Variants in HSPBP1 observed in about 807,000 individuals in gnomAD.
The protein encoded by HSPBP1 is HSPA (Hsp70) binding protein 1.
A neutral mutation model predicts 41.7 loss-of-function variants in HSPBP1; 31 were observed. That is an observed-to-expected ratio of 0.74 (90% CI 0.56 to 1.00). The LOEUF is 1.00. Among genes scored for constraint, HSPBP1 ranks in the 50% least tolerant of loss-of-function variants. HSPBP1 has a pLI of 0.00. For missense variants in HSPBP1, 439 were observed against 487.9 expected (o/e 0.90, Z 0.94); for synonymous variants, 199 against 214.4 (o/e 0.93, Z 0.63).
In HSPBP1 at chr19:55,272,049, G is replaced by A. The variant is rs1239399839; in HGVS notation, c.640+2349C>T. On this transcript the variant is annotated intron_variant, in intron 4 of 7. Transcript: ENST00000433386. The surrounding 1 kb of genome is among the most constrained non-coding windows in gnomAD (Gnocchi z 4.2). ...TGCACTCCAGCCTGGGCCACAGAGC[G>A]AGACTCCGTCTCAAGAAACAAAAAA... is the stretch of plus-strand genomic sequence containing the variant. Among the ~76,000 whole-genome samples the A allele has an allele frequency of 6.6e-6, 1 of 151,258 alleles. No homozygotes were observed. Among genetic ancestry groups the A allele is most frequent in the African/African-American group, 2.4e-5 (1 of 41,102 alleles).
chr19:55,278,011 C>A (rs1325029991), intron 2 of HSPBP1, among the ~76,000 whole-genome samples, 165 bp from the exon 3 acceptor site: 2 of 152,154 alleles, frequency 1.3e-5, no homozygotes, highest in African/African-American at 4.8e-5. Context: ...CTTTGGGAGG[C>A]CGAGGTGGGT....
intron 4 of HSPBP1, 51 bp downstream of exon 4, chr19:55,274,347 A>AGCCCCCCCC: frequency 3.1e-6 from 1 of 325,718 alleles, no homozygotes; most frequent in Non-Finnish European, 5.7e-6. Flanking sequence ...CCCACCCGGC[A>AGCCCCCCCC]CCCCCCCCCA....
At chr19:55,277,569 G>A (rs1319710215) in intron 3 of HSPBP1, 73 bp downstream of exon 3, 1 of 1,443,266 alleles carries the variant, frequency 6.9e-7, no homozygotes, top group Non-Finnish European at 9.5e-7. Context: ...AGCCCCAAGA[G>A]TAGGGGCAAG....
In HSPBP1 at chr19:55,272,916, C is replaced by T. The variant is rs985093003; in HGVS notation, c.640+1482G>A. 2.6e-5 allele frequency among the ~76,000 whole-genome samples: 4 copies of T among 152,028 alleles called. No homozygotes were observed. In the East Asian group the frequency reaches 5.8e-4, roughly 22 times the overall value. ...CTGCCGATAGCCATACCACCCCGAA[C>T]GCGTCTGATCACATCTAAAATTAGA... On this transcript the variant is annotated intron_variant, in intron 4 of 7. Coordinates refer to ENST00000433386, the MANE Select transcript of HSPBP1 (RefSeq NM_012267.5). The surrounding 1 kb of genome is among the most constrained non-coding windows in gnomAD (Gnocchi z 4.2).
intron 4 of HSPBP1, among the ~76,000 whole-genome samples, chr19:55,274,037 T>C (rs2087993197): frequency 6.6e-6 from 1 of 152,068 alleles, no homozygotes; most frequent in Non-Finnish European, 1.5e-5. Flanking sequence ...CTCCATGGCC[T>C]GGAGGCCACC....
At position 55,265,423 on chromosome 19, in the gene HSPBP1, C is replaced by A. The variant is rs1321952763; in HGVS notation, c.894-34G>T. On this transcript the variant is annotated intron_variant, in intron 6 of 7. Coordinates refer to ENST00000433386, the MANE Select transcript of HSPBP1 (RefSeq NM_012267.5). ...GACATGACAGCGGCCCTTAGGACCT[C>A]CCTCTAGAGGCCTCACTGACCCAAC... The A allele has an allele frequency of 1.9e-6, 3 of 1,551,508 alleles. No homozygotes were observed. The South Asian group carries it at 3.3e-5, about 17-fold the overall frequency.
At chr19:55,279,284 G>A in intron 2 of HSPBP1, 115 bp downstream of exon 2, 1 of 858,390 alleles carries the variant, frequency 1.2e-6, no homozygotes, top group Non-Finnish European at 1.8e-6. Flanking sequence ...CTGGTTTTCT[G>A]CCTCCCACCC....
intron 2 of HSPBP1, among the ~76,000 whole-genome samples, chr19:55,278,897 T>A (rs1600157437): frequency 7.8e-6 from 1 of 128,458 alleles, no homozygotes; most frequent in Non-Finnish European, 1.6e-5. Context: ...CGAGACTGTG[T>A]CCTCCACCCC....
intron 3 of HSPBP1, 89 bp downstream of exon 3, chr19:55,277,553 G>A (rs1228417623): frequency 1.2e-5 from 16 of 1,305,356 alleles, no homozygotes; most frequent in East Asian, 7.5e-5. Context: ...GGAGGCTGAC[G>A]GTGTGAGCCC....
Position 55,266,397 on chromosome 19 carries a change from C to T in HSPBP1, c.641-111G>A, listed in dbSNP as rs894304465. ...ACCATCACCAACATCATCATCACCA[C>T]CATCACCACTATCTTCACCACCATC... On this transcript the variant is annotated intron_variant, in intron 4 of 7. Transcript: ENST00000433386. 1,659 of 1,147,352 alleles carry T rather than the reference C, an allele frequency of 1.4e-3. 20 individuals are homozygous for T. Among genetic ancestry groups the T allele is most frequent in the Non-Finnish European group, 7.0e-4 (569 of 815,282 alleles). 71.1% of individuals were successfully genotyped at this position (1,147,352 alleles called of 1,614,324 possible).
At chr19:55,275,845 G>A (rs984227340) in intron 3 of HSPBP1, among the ~76,000 whole-genome samples, 19 of 151,862 alleles carry the variant, frequency 1.3e-4, no homozygotes, top group Admixed American at 6.6e-4. Context: ...CTACTCAGAA[G>A]GGCAAGGCAG....
chr19:55,276,905 G>T (rs1339761299), intron 3 of HSPBP1, among the ~76,000 whole-genome samples: 1 of 152,116 alleles, frequency 6.6e-6, no homozygotes, highest in Non-Finnish European at 1.5e-5. Flanking sequence ...GTGCGGGCCT[G>T]GGGGTTTCTC....
Position 55,277,817 on chromosome 19 carries a change from C to T in HSPBP1, c.240G>A (p.Ser80=), listed in dbSNP as rs572720723. The change falls in exon 3 of 8, where the codon TCG becomes TCA. Residue 80 remains serine, a synonymous_variant. Transcript: ENST00000433386. ...CCTCCCGCTGGCCTCGGAAGGCAGC[C>T]GACATGGCCTCCTGCAGCCACTGAC... ...ERRQWLQEAM[S]AAFRGQREEV... is the part of the protein sequence containing the mutation. 696 of 1,586,604 alleles carry T rather than the reference C, an allele frequency of 4.4e-4. 6 individuals carry two copies. The South Asian group carries it at 6.9e-3, about 16-fold the overall frequency.
Position 55,270,579 on chromosome 19 carries a change from A to G in HSPBP1, c.640+3819T>C, listed in dbSNP as rs921597696. The stretch of plus-strand genomic sequence containing the variant: ...AAGATAAGCTACTGTTGCTTAAGAA[A>G]AAAGGACAGAGGCAGGTCAAGGTGC... On this transcript the variant is annotated intron_variant, in intron 4 of 7. Transcript: ENST00000433386. This position sits in a 1 kb window ranked among gnomAD's most constrained non-coding sequence, Gnocchi z 5.4. Among the ~76,000 whole-genome samples, 1 of 152,164 alleles carries G rather than the reference A, an allele frequency of 6.6e-6. No individual in the cohort carries two copies. Among genetic ancestry groups the G allele is most frequent in the Non-Finnish European group, 1.5e-5 (1 of 68,026 alleles).
intron 3 of HSPBP1, among the ~76,000 whole-genome samples, chr19:55,276,893 T>G (rs2088087780): frequency 6.6e-6 from 1 of 152,128 alleles, no homozygotes; most frequent in Non-Finnish European, 1.5e-5. Flanking sequence ...GTGCCTGGTG[T>G]TGTGCGGGCC....
chr19:55,279,469 C>G lies in HSPBP1; in HGVS notation c.140G>C (p.Gly47Ala), dbSNP rs1334957634. The G allele has an allele frequency of 2.5e-6, 4 of 1,607,784 alleles. No homozygotes were observed. Among genetic ancestry groups the G allele is most frequent in the African/African-American group, 1.3e-5 (1 of 74,380 alleles). Reference protein sequence around the residue: ...GNSRPPRNLQGLLQMAITAGS... With the variant: ...GNSRPPRNLQALLQMAITAGS... ...CGCGGTGATGGCCATCTGCAGCAAG[C>G]CTTGGAGGTTGCGTGGGGGCCGGGA... Residue 47 changes from glycine (G) to alanine (A), a missense_variant, in exon 2 of 8, where the codon GGC (glycine) becomes GCC (alanine). Gly to Ala is a moderately conservative substitution (Grantham distance 60). Coordinates refer to ENST00000433386, the MANE Select transcript of HSPBP1 (RefSeq NM_012267.5).
At chr19:55,265,454 C>G in intron 6 of HSPBP1, 65 bp from the exon 7 acceptor site, 1 of 1,264,548 alleles carries the variant, frequency 7.9e-7, no homozygotes, top group Non-Finnish European at 1.2e-6. Context: ...CCAACCCTAT[C>G]GCCCGCCCCG....
chr19:55,279,835 C>A (rs1384409957), intron 1 of HSPBP1, 133 bp from the exon 2 acceptor site: 2 of 997,994 alleles, frequency 2.0e-6, no homozygotes, highest in Non-Finnish European at 3.0e-6. Flanking sequence ...AAGTCATAAG[C>A]CTCTCCTTTC....
chr19:55,276,408 T>A (rs1363177401), intron 3 of HSPBP1, among the ~76,000 whole-genome samples: 3 of 152,098 alleles, frequency 2.0e-5, no homozygotes, highest in Non-Finnish European at 4.4e-5. Flanking sequence ...TGGGAGGATG[T>A]TCCCCTCAGC....
Sources: allele counts gnomAD v4.1 joint callset (sites outside exome capture counted in the v4.1 genomes callset), GRCh38; gene constraint gnomAD v4.1.1; non-coding constraint Gnocchi (gnomAD v3.1); transcripts MANE v1.5; gene names NCBI Gene and HGNC (gene_info 2026-07-23, HGNC 2026-07-21).